The following PCSK5 variants were observed in gnomAD, a reference collection of about 807,000 sequenced individuals.
PCSK5 encodes the protein proprotein convertase subtilisin/kexin type 5.
A neutral mutation model predicts 233.2 loss-of-function variants in PCSK5; 129 were observed. The observed-to-expected ratio is 0.55, with a 90% CI of 0.48 to 0.64. The LOEUF is 0.64. Ranked by LOEUF, PCSK5 falls within the 30% of genes least tolerant of loss-of-function variation. The pLI, the probability that PCSK5 is intolerant of heterozygous loss-of-function variation, is 0.00. For synonymous variants in PCSK5, 825 were observed against 879.2 expected (o/e 0.94, Z 1.09); for missense variants, 2,076 against 2,430.1 (o/e 0.85, Z 3.06).
chr9:76,139,888 C>A (rs1356466000), intron 10 of PCSK5, among the ~76,000 whole-genome samples: 1 of 152,110 alleles, frequency 6.6e-6, no homozygotes, highest in Non-Finnish European at 1.5e-5. Context: ...CAAACATCTC[C>A]ATGGGAATAT....
chr9:76,104,900 C>T (rs1481578386), intron 8 of PCSK5, among the ~76,000 whole-genome samples: 2 of 152,136 alleles, frequency 1.3e-5, no homozygotes, highest in Non-Finnish European at 2.9e-5. Flanking sequence ...ATCTGGACAC[C>T]TGGAAACAAG....
At chr9:76,198,239 T>A (rs1269297655) in intron 20 of PCSK5, among the ~76,000 whole-genome samples, 1 of 152,190 alleles carries the variant, frequency 6.6e-6, no homozygotes, top group Non-Finnish European at 1.5e-5. Context: ...CATTGTTGGA[T>A]CCAGTTGTGG....
intron 12 of PCSK5, among the ~76,000 whole-genome samples, chr9:76,163,807 A>G (rs963492666): frequency 6.6e-6 from 1 of 151,368 alleles, no homozygotes; most frequent in African/African-American, 2.4e-5. Flanking sequence ...ACAAAAGCTT[A>G]TCCCAGCAGA....
chr9:76,112,058 A>G (rs1832240083), intron 9 of PCSK5, among the ~76,000 whole-genome samples: 1 of 152,210 alleles, frequency 6.6e-6, no homozygotes, highest in Non-Finnish European at 1.5e-5. Context: ...TTAGTGGAAT[A>G]TTTCATATGT....
chr9:76,119,436 G>C (rs1832551546), intron 9 of PCSK5, among the ~76,000 whole-genome samples: 1 of 151,872 alleles, frequency 6.6e-6, no homozygotes, highest in Non-Finnish European at 1.5e-5. Flanking sequence ...GTACCTCCTA[G>C]AGAATTTTAC....
At chr9:75,945,714 A>G (rs1824536422) in intron 2 of PCSK5, among the ~76,000 whole-genome samples, 1 of 152,062 alleles carries the variant, frequency 6.6e-6, no homozygotes, top group Non-Finnish European at 1.5e-5. Context: ...CTAGTCTTTG[A>G]CACACCTCCT....
At chr9:76,220,355 T>C (rs956227213) in intron 20 of PCSK5, among the ~76,000 whole-genome samples, 1 of 151,758 alleles carries the variant, frequency 6.6e-6, no homozygotes, top group Non-Finnish European at 1.5e-5. Flanking sequence ...GGTGAAACCC[T>C]GTCTCTACTA....
intron 24 of PCSK5, among the ~76,000 whole-genome samples, chr9:76,278,148 G>T (rs1827749466): frequency 6.6e-6 from 1 of 152,158 alleles, no homozygotes; most frequent in Non-Finnish European, 1.5e-5. Context: ...ACTTGTTTAA[G>T]AATGCTTGGC....
At chr9:76,149,280 TC>T (rs900892905) in intron 10 of PCSK5, among the ~76,000 whole-genome samples, 10 of 152,172 alleles carry the variant, frequency 6.6e-5, no homozygotes, top group Admixed American at 1.3e-4. Context: ...CATCATCACC[TC>T]CAACAGTGGG....
chr9:75,913,419 A>T (rs979626802), intron 1 of PCSK5, among the ~76,000 whole-genome samples: 1 of 152,124 alleles, frequency 6.6e-6, no homozygotes, highest in Non-Finnish European at 1.5e-5. Flanking sequence ...ATATTTGTTG[A>T]TATTTAGTGT....
In PCSK5 at chr9:76,046,711, C is replaced by T. The variant is rs140405156; in HGVS notation, c.632+19674C>T. On this transcript the variant is annotated intron_variant, in intron 5 of 37. Coordinates refer to ENST00000674117, the MANE Select transcript of PCSK5 (RefSeq NM_001372043.1). ...GAGTAGCTGGGACTACAGGCACCCG[C>T]CACTACTCCCGGCCAATTTTTTGTA... Among the ~76,000 whole-genome samples, 1,366 of 151,178 alleles carry T rather than the reference C, an allele frequency of 9.0e-3. 24 individuals are homozygous for T. Among genetic ancestry groups the T allele is most frequent in the African/African-American group, 0.029 (1,196 of 41,166 alleles).
intron 7 of PCSK5, among the ~76,000 whole-genome samples, chr9:76,083,132 C>T (rs1448581195): frequency 6.7e-6 from 1 of 150,104 alleles, no homozygotes; most frequent in Non-Finnish European, 1.5e-5. Context: ...TCGCTTGAAC[C>T]CGGGAGGCCA....
At position 76,189,645 on chromosome 9, in the gene PCSK5, G is replaced by T; in HGVS notation, c.2525G>T (p.Cys842Phe). 1 of 1,609,680 alleles carries T rather than the reference G, an allele frequency of 6.2e-7. No homozygotes were observed. The highest frequency in any genetic ancestry group is 8.5e-7 in the Non-Finnish European group (1 of 1,176,084). Residue 842 changes from cysteine to phenylalanine, a missense_variant, in exon 20 of 38, where the codon TGT becomes TTT. Physicochemically the swap from Cys to Phe is radical, Grantham distance 205. Coordinates refer to ENST00000674117, the MANE Select transcript of PCSK5 (RefSeq NM_001372043.1). ...TTTTCTCATAGATGTGATATCAGTT[G>T]TTTGACGTGCAATGGCCCAGGATTC... ...YKSCKKCDIS[C>F]LTCNGPGFKN...
chr9:76,085,949 T>G (rs1831046593), intron 7 of PCSK5, among the ~76,000 whole-genome samples: 1 of 152,218 alleles, frequency 6.6e-6, no homozygotes, highest in African/African-American at 2.4e-5. Flanking sequence ...GTAAGTTCCT[T>G]TCATACCTCT....
Position 76,320,412 on chromosome 9 carries a change from C to T in PCSK5, c.3885-1010C>T, listed in dbSNP as rs138463496. On this transcript the variant is annotated intron_variant, in intron 30 of 37. Transcript: ENST00000674117. ...GCCATGCACTCCAGCCTGGGTGACA[C>T]AGCAAGACTCTGTCTCAAAAAAAAA... Among the ~76,000 whole-genome samples the T allele has an allele frequency of 2.5e-3, 341 of 134,412 alleles. 1 individual carries two copies. Among genetic ancestry groups the T allele is most frequent in the Middle Eastern group, 9.9e-3 (2 of 202 alleles). 88.2% of individuals were successfully genotyped at this position (134,412 alleles called of 152,430 possible).
At chr9:75,927,016 T>C (rs1404416915) in intron 1 of PCSK5, among the ~76,000 whole-genome samples, 1 of 151,970 alleles carries the variant, frequency 6.6e-6, no homozygotes, top group Non-Finnish European at 1.5e-5. Flanking sequence ...GTGAGGAGAG[T>C]GTATGTTTCA....
chr9:75,912,617 A>G (rs1822795405), intron 1 of PCSK5, among the ~76,000 whole-genome samples: 1 of 152,178 alleles, frequency 6.6e-6, no homozygotes, highest in South Asian at 2.1e-4. Context: ...GCAGACTTGC[A>G]TGCACAGTCA....
intron 9 of PCSK5, among the ~76,000 whole-genome samples, chr9:76,126,680 C>A (rs941180602): frequency 1.3e-5 from 2 of 151,956 alleles, no homozygotes; most frequent in African/African-American, 4.8e-5. Context: ...TGAAACATGT[C>A]AGACACGGAG....
At chr9:76,141,241 A>G (rs1823209008) in intron 10 of PCSK5, among the ~76,000 whole-genome samples, 1 of 152,078 alleles carries the variant, frequency 6.6e-6, no homozygotes, top group Non-Finnish European at 1.5e-5. Flanking sequence ...AAGTCAAGAG[A>G]GTCTTAGCAA....
Sources: allele counts gnomAD v4.1 joint callset (sites outside exome capture counted in the v4.1 genomes callset), GRCh38; gene constraint gnomAD v4.1.1; transcripts MANE v1.5; gene names NCBI Gene and HGNC (gene_info 2026-07-23, HGNC 2026-07-21).